The following NAV2 variants were observed in gnomAD, a reference collection of about 807,000 sequenced individuals.
The protein encoded by NAV2 is helicase, APC down-regulated 1.
In NAV2, 54 loss-of-function variants were observed where a neutral mutation model predicts 223.2. The observed-to-expected ratio is 0.24, with a 90% CI of 0.19 to 0.30. NAV2 has a LOEUF of 0.30. NAV2 is among the 10% of genes least tolerant of loss of function. The pLI, the probability that NAV2 is intolerant of heterozygous loss-of-function variation, is 1.00. For synonymous variants in NAV2, 1,279 were observed against 1,239.3 expected (o/e 1.03, Z -0.67); for missense variants, 2,806 against 3,147.5 (o/e 0.89, Z 2.60).
chr11:19,700,825 G>A (rs1203276636), intron 1 of NAV2, among the ~76,000 whole-genome samples: 1 of 152,138 alleles, frequency 6.6e-6, no homozygotes, highest in Non-Finnish European at 1.5e-5. Context: ...TTCCCTGATT[G>A]GAAGCTCCAC....
chr11:20,068,256 T>C, intron 21 of NAV2, 47 bp downstream of exon 21: 1 of 1,610,864 alleles, frequency 6.2e-7, no homozygotes, highest in South Asian at 1.1e-5. Flanking sequence ...GTATTGTCAA[T>C]TATTTGACCC....
chr11:19,897,903 T>TATATATATATATATATACAC (rs927166131), intron 6 of NAV2, among the ~76,000 whole-genome samples: 1 of 147,522 alleles, frequency 6.8e-6, no homozygotes, highest in African/African-American at 2.6e-5. Flanking sequence ...TATATATATA[T>TATATATATATATATATACAC]ATGTGAGCAG....
At chr11:19,914,694 G>A (rs947669683) in intron 6 of NAV2, among the ~76,000 whole-genome samples, 10 of 151,740 alleles carry the variant, frequency 6.6e-5, no homozygotes, top group South Asian at 2.1e-4. Context: ...ACAGGCGCCC[G>A]CCACCGCGCC....
chr11:20,078,702 C>T (rs1266315688), intron 24 of NAV2, among the ~76,000 whole-genome samples: 5 of 152,224 alleles, frequency 3.3e-5, no homozygotes, highest in Non-Finnish European at 5.9e-5. Context: ...AAGCAATCCG[C>T]TCACCTCGGC....
chr11:19,934,272 G>A lies in NAV2; in HGVS notation c.2028G>A (p.Leu676=), dbSNP rs1217079055. The change falls in exon 7 of 38, where the codon CTG becomes CTA. Residue 676 remains leucine (L), a synonymous_variant. Coordinates refer to ENST00000349880, the MANE Select transcript of NAV2 (RefSeq NM_145117.5). ...ACACTGCCACGGTTGCACCTTTCCT[G>A]TACAGGTAGGAGCTGCCACCCACCT... is the stretch of plus-strand genomic sequence containing the variant. ...HPNTATVAPF[L]YRSQTDTEGN... 6.3e-7 allele frequency: 1 copy of A among 1,582,946 alleles called. No individual in the cohort carries two copies. Among genetic ancestry groups the A allele is most frequent in the East Asian group, 2.2e-5 (1 of 44,550 alleles).
At chr11:20,021,035 G>A (rs2054462085) in intron 11 of NAV2, among the ~76,000 whole-genome samples, 1 of 152,086 alleles carries the variant, frequency 6.6e-6, no homozygotes, top group Non-Finnish European at 1.5e-5. Flanking sequence ...TTTTAGATTT[G>A]TAATAAAAAC....
intron 6 of NAV2, among the ~76,000 whole-genome samples, chr11:19,930,474 A>G (rs986040720): frequency 1.3e-5 from 2 of 152,204 alleles, no homozygotes; most frequent in African/African-American, 4.8e-5. Flanking sequence ...TGTAGTTCCT[A>G]TAAGGACAGT....
At chr11:19,981,373 A>G (rs997076705) in intron 10 of NAV2, 2 of 152,198 alleles carry the variant, frequency 1.3e-5, no homozygotes, top group Non-Finnish European at 2.9e-5. Flanking sequence ...TGTGTCTGGA[A>G]TGCTCACCAG....
intron 1 of NAV2, among the ~76,000 whole-genome samples, chr11:19,620,454 TCTC>T (rs2046955240): frequency 6.6e-6 from 1 of 152,146 alleles, no homozygotes; most frequent in Admixed American, 6.5e-5. Context: ...GGTTTGTAGT[TCTC>T]CTTGAAGAGG....
intron 11 of NAV2, among the ~76,000 whole-genome samples, chr11:20,028,732 A>C (rs1200986356): frequency 6.6e-6 from 1 of 152,142 alleles, no homozygotes; most frequent in Non-Finnish European, 1.5e-5. Flanking sequence ...GGAATAATAT[A>C]AATAATGTGC....
chr11:19,914,711 ATTTT>A (rs1309160302), intron 6 of NAV2, among the ~76,000 whole-genome samples: 1 of 150,324 alleles, frequency 6.7e-6, no homozygotes, highest in Non-Finnish European at 1.5e-5. Flanking sequence ...CGCCCGGCTA[ATTTT>A]TTGTATTTTT....
chr11:19,796,517 C>T (rs2057909036), intron 1 of NAV2, among the ~76,000 whole-genome samples: 1 of 152,152 alleles, frequency 6.6e-6, no homozygotes, highest in Admixed American at 6.5e-5. Context: ...GATTTCTTCC[C>T]ATTTTAGCCT....
rs138335931 is a variant in NAV2 at position 19,934,716 on chromosome 11, T to C, written c.2033+439T>C. On this transcript the variant is annotated intron_variant, in intron 7 of 37. Transcript: ENST00000349880. ...CACCTGGCTCAATAACTAAGATTTC[T>C]TATAGCAGGGATTGCCTTGAACATC... 1.9e-3 allele frequency among the ~76,000 whole-genome samples: 288 copies of C among 152,268 alleles called. 2 individuals are homozygous for C. Among genetic ancestry groups the C allele is most frequent in the African/African-American group, 6.7e-3 (277 of 41,532 alleles).
At chr11:19,512,897 G>T (rs773601452) in intron 1 of NAV2, among the ~76,000 whole-genome samples, 1 of 152,160 alleles carries the variant, frequency 6.6e-6, no homozygotes, top group Non-Finnish European at 1.5e-5. Context: ...CAAAGAGAGG[G>T]ATACAACCTG....
At chr11:19,828,257 G>A (rs1841143658) in intron 1 of NAV2, among the ~76,000 whole-genome samples, 1 of 152,126 alleles carries the variant, frequency 6.6e-6, no homozygotes, top group Non-Finnish European at 1.5e-5. Flanking sequence ...GTACATTCAT[G>A]TAACAAATGG....
chr11:19,858,964 T>C (rs1171862112), intron 3 of NAV2, among the ~76,000 whole-genome samples: 2 of 152,100 alleles, frequency 1.3e-5, no homozygotes, highest in Admixed American at 6.5e-5. Context: ...TTCCAGATCA[T>C]TGACATATAT....
At chr11:20,090,294 G>T (rs917433563) in intron 26 of NAV2, among the ~76,000 whole-genome samples, 2 of 152,184 alleles carry the variant, frequency 1.3e-5, no homozygotes, top group Non-Finnish European at 2.9e-5. Context: ...TGGAAGCCCA[G>T]CTGTGTACAC....
At chr11:19,606,891 C>T (rs893361402) in intron 1 of NAV2, among the ~76,000 whole-genome samples, 2 of 152,330 alleles carry the variant, frequency 1.3e-5, no homozygotes, top group African/African-American at 4.8e-5. Context: ...AATGCAGAGG[C>T]TCAGGCCCCA....
At chr11:19,763,848 C>A (rs1219663079) in intron 1 of NAV2, among the ~76,000 whole-genome samples, 1 of 151,046 alleles carries the variant, frequency 6.6e-6, no homozygotes, top group Non-Finnish European at 1.5e-5. Context: ...GGTAATGTAA[C>A]AAAACCTATG....
Sources: gnomAD v4.1 joint callset for allele counts (sites outside exome capture counted in the v4.1 genomes callset) on GRCh38, gnomAD v4.1.1 for gene constraint, MANE v1.5 for transcripts, NCBI Gene and HGNC (gene_info 2026-07-23, HGNC 2026-07-21) for gene names.